The following LRRC49 variants were observed in gnomAD, a reference collection of about 807,000 sequenced individuals.
LRRC49 encodes leucine rich repeat containing 49, also known as leucine-rich repeat-containing protein 49.
A neutral mutation model predicts 83.3 loss-of-function variants in LRRC49; 50 were observed. The ratio of observed to expected loss-of-function variants is 0.60; its 90% confidence interval spans 0.48 to 0.76. The LOEUF (loss-of-function observed/expected upper bound fraction) is 0.76. Among genes scored for constraint, LRRC49 ranks in the 30% least tolerant of loss-of-function variants. The pLI, the probability that LRRC49 is intolerant of heterozygous loss-of-function variation, is 0.00. For synonymous variants in LRRC49, 286 were observed against 283.3 expected (o/e 1.01, Z -0.10); for missense variants, 704 against 809.1 (o/e 0.87, Z 1.58).
intron 15 of LRRC49, among the ~76,000 whole-genome samples, chr15:71,042,035 GT>G (rs1231104316): frequency 6.6e-6 from 1 of 152,138 alleles, no homozygotes; most frequent in Non-Finnish European, 1.5e-5. Context: ...AAAGTTTCAA[GT>G]TTTTATTTTA....
chr15:71,003,656 G>T (rs2038345523), intron 11 of LRRC49, among the ~76,000 whole-genome samples: 1 of 152,124 alleles, frequency 6.6e-6, no homozygotes, highest in Admixed American at 6.6e-5. Flanking sequence ...AGCTAAGTAT[G>T]AGGCATAGTT....
chr15:70,867,043 T>C (rs1404899122), intron 1 of LRRC49, among the ~76,000 whole-genome samples: 1 of 131,806 alleles, frequency 7.6e-6, no homozygotes, highest in African/African-American at 2.7e-5. Flanking sequence ...TGGAGGCTGA[T>C]CGGAACGGAA....
chr15:70,908,988 G>A (rs1320356545), intron 5 of LRRC49, among the ~76,000 whole-genome samples: 2 of 152,198 alleles, frequency 1.3e-5, no homozygotes, highest in East Asian at 3.8e-4. Context: ...AAAGGTGGTT[G>A]CAGTCACAAC....
chr15:70,924,618 T>G (rs2035128916), intron 7 of LRRC49, among the ~76,000 whole-genome samples: 1 of 151,974 alleles, frequency 6.6e-6, no homozygotes, highest in Non-Finnish European at 1.5e-5. Flanking sequence ...CCCCCAAAAT[T>G]AGACATTTTA....
chr15:70,985,568 A>G (rs953738653), intron 11 of LRRC49, among the ~76,000 whole-genome samples: 92 of 152,064 alleles, frequency 6.1e-4, no homozygotes, highest in Non-Finnish European at 8.8e-5. Flanking sequence ...ATTTTCTCCC[A>G]TTTTGTAAGT....
At chr15:70,934,704 A>G (rs946343173) in intron 7 of LRRC49, among the ~76,000 whole-genome samples, 5 of 152,198 alleles carry the variant, frequency 3.3e-5, no homozygotes, top group African/African-American at 1.2e-4. Flanking sequence ...ATAATCTCTG[A>G]AGATGGCATG....
intron 11 of LRRC49, among the ~76,000 whole-genome samples, chr15:70,985,946 G>A (rs1163554663): frequency 1.4e-5 from 2 of 144,360 alleles, no homozygotes; most frequent in Non-Finnish European, 3.1e-5. Flanking sequence ...TTGTAGATAT[G>A]CGGCGTTATT....
In LRRC49 at chr15:70,911,590, G is replaced by A; in HGVS notation, c.559G>A (p.Gly187Arg). The stretch of plus-strand genomic sequence containing the variant: ...AAGCTTAGATGTCTTGGATCTTCAT[G>A]GAAATCAGGTATTGTAAAGCCCTTT... The part of the protein sequence containing the change: ...LKSLDVLDLH[G>R]NQITKIENIN... The change falls in exon 6 of 16, where the codon GGA (glycine) becomes AGA (arginine). Residue 187 changes from glycine to arginine, a missense_variant. This residue lies in a region of LRRC49 where 261 missense variants were observed against 330.5 expected (regional missense o/e 0.79). Coordinates refer to ENST00000260382, the MANE Select transcript of LRRC49 (RefSeq NM_017691.5). The A allele has an allele frequency of 6.4e-7, 1 of 1,566,948 alleles. No individual in the cohort carries two copies. The highest frequency in any genetic ancestry group is 8.7e-7 in the Non-Finnish European group (1 of 1,154,970).
chr15:70,995,602 G>C (rs1282594314), intron 11 of LRRC49, among the ~76,000 whole-genome samples: 1 of 152,104 alleles, frequency 6.6e-6, no homozygotes, highest in East Asian at 1.9e-4. Flanking sequence ...TACTAGTTTT[G>C]GCAGCTTCAG....
chr15:70,974,844 A>G (rs2037150360), intron 9 of LRRC49, among the ~76,000 whole-genome samples: 1 of 152,226 alleles, frequency 6.6e-6, no homozygotes, highest in Non-Finnish European at 1.5e-5. Flanking sequence ...TGCCTAGTCT[A>G]GAAAAGTAAG....
chr15:70,880,232 A>G (rs2033235399), intron 2 of LRRC49, among the ~76,000 whole-genome samples: 1 of 152,168 alleles, frequency 6.6e-6, no homozygotes, highest in South Asian at 2.1e-4. Context: ...AAAACAGCTC[A>G]ACAAACCTCT....
At chr15:70,972,412 T>C (rs569967653) in intron 9 of LRRC49, among the ~76,000 whole-genome samples, 1 of 152,330 alleles carries the variant, frequency 6.6e-6, no homozygotes, top group East Asian at 1.9e-4. Flanking sequence ...TGGCTGTGCT[T>C]AACATTTTTT....
chr15:71,035,975 C>T (rs941683340), intron 14 of LRRC49, among the ~76,000 whole-genome samples: 1 of 152,184 alleles, frequency 6.6e-6, no homozygotes, highest in Non-Finnish European at 1.5e-5. Context: ...TAAAAGAACT[C>T]CTATTCCTCC....
intron 1 of LRRC49, chr15:70,872,883 CTTTT>C (rs781035902): frequency 5.5e-4 from 92 of 166,008 alleles, no homozygotes; most frequent in South Asian, 1.6e-3. Flanking sequence ...CTTGACATAA[CTTTT>C]TTTTTTTTTT....
chr15:70,978,943 AT>A (rs1331797379), intron 9 of LRRC49, among the ~76,000 whole-genome samples: 2 of 151,994 alleles, frequency 1.3e-5, no homozygotes, highest in African/African-American at 4.8e-5. Context: ...AATTCTTATA[AT>A]TTTTTGTTTC....
intron 8 of LRRC49, among the ~76,000 whole-genome samples, chr15:70,952,575 C>T (rs1037894036): frequency 3.9e-5 from 6 of 152,024 alleles, no homozygotes; most frequent in Admixed American, 6.6e-5. Flanking sequence ...AGAGTATGTG[C>T]CATGTGCAGA....
Position 71,053,290 on chromosome 15 carries a change from CAGT to C in LRRC49, c.*3682_*3684del, listed in dbSNP as rs1472303557. The C allele has an allele frequency of 6.6e-6, 1 of 152,164 alleles. No homozygotes were observed. The allele number at this position is 152,164 out of a possible 1,614,324, so 9.4% of individuals were successfully genotyped here. A position where few individuals can be genotyped will look rare whatever the true frequency, so the allele number is the denominator to read the frequency against. ...AGAACTGGATATGGAGTATGAGAAA[CAGT>C]AGTCAATGATGGCCACAAGGTTTTT... is the stretch of plus-strand genomic sequence containing the variant. On this transcript the variant is annotated 3_prime_UTR_variant, in exon 16 of 16. Coordinates refer to ENST00000260382, the MANE Select transcript of LRRC49 (RefSeq NM_017691.5).
rs188503959 is a variant in LRRC49 at position 70,974,999 on chromosome 15, C to T, written c.922-5102C>T. ...CGTGTGTTAAAGTGACTTGGAATTG[C>T]TAAATTCAAGTTCAATTAATTATGA... On this transcript the variant is annotated intron_variant, in intron 9 of 15. Coordinates refer to ENST00000260382, the MANE Select transcript of LRRC49 (RefSeq NM_017691.5). Among the ~76,000 whole-genome samples, 81 of 152,254 alleles carry T rather than the reference C, an allele frequency of 5.3e-4. 3 individuals are homozygous for T. The East Asian group carries it at 0.014, about 25-fold the overall frequency.
intron 2 of LRRC49, among the ~76,000 whole-genome samples, chr15:70,879,856 T>C (rs2033228067): frequency 6.6e-6 from 1 of 152,246 alleles, no homozygotes; most frequent in Admixed American, 6.5e-5. Flanking sequence ...AATGATTTTT[T>C]AAACTTACTT....
Sources: gnomAD v4.1 joint callset for allele counts (sites outside exome capture counted in the v4.1 genomes callset) on GRCh38, gnomAD v4.1.1 for gene constraint, gnomAD v4.1.1 regional missense constraint, MANE v1.5 for transcripts, NCBI Gene and HGNC (gene_info 2026-07-23, HGNC 2026-07-21) for gene names.